The following SCN2A variants were observed in gnomAD, a reference collection of about 807,000 sequenced individuals.
The protein encoded by SCN2A is sodium voltage-gated channel alpha subunit 2.
SCN2A carries 20 observed loss-of-function variants against 188.7 expected under a neutral mutation model. The ratio of observed to expected loss-of-function variants is 0.11; its 90% CI spans 0.07 to 0.15. SCN2A has a LOEUF of 0.15. Among genes scored for constraint, SCN2A ranks in the 10% least tolerant of loss-of-function variants. SCN2A has a pLI of 1.00. For synonymous variants in SCN2A, 804 were observed against 833.1 expected, an observed-to-expected ratio of 0.97 and a Z score of 0.60; for missense variants, 1,278 against 2,445.0, an observed-to-expected ratio of 0.52 and a Z score of 10.07.
At chr2:165,328,986 CT>C (rs1269103949) in intron 13 of SCN2A, among the ~76,000 whole-genome samples, 23,742 of 89,666 alleles carry the variant, frequency 0.26, 1,225 homozygotes, top group East Asian at 0.35. Flanking sequence ...TAAGATAGTC[CT>C]TTTTTTTTTT....
At chr2:165,316,564 A>T (rs1238835132) in intron 11 of SCN2A, among the ~76,000 whole-genome samples, 1 of 152,204 alleles carries the variant, frequency 6.6e-6, no homozygotes, top group Non-Finnish European at 1.5e-5. Context: ...TAACAATAAC[A>T]ATTACAACAA....
chr2:165,333,542 T>A (rs1013829454), intron 14 of SCN2A, among the ~76,000 whole-genome samples: 1 of 151,926 alleles, frequency 6.6e-6, no homozygotes, highest in African/African-American at 2.4e-5. Flanking sequence ...AACTTGCTCT[T>A]AAATAACCAA....
intron 10 of SCN2A, among the ~76,000 whole-genome samples, chr2:165,315,029 C>A (rs1173608954): frequency 1.3e-5 from 2 of 152,114 alleles, no homozygotes; most frequent in Non-Finnish European, 2.9e-5. Context: ...AAATAAAATA[C>A]TTGACTGAAT....
At chr2:165,243,066 A>G (rs1035805245) in intron 1 of SCN2A, among the ~76,000 whole-genome samples, 4 of 152,218 alleles carry the variant, frequency 2.6e-5, no homozygotes, top group African/African-American at 9.6e-5. Context: ...ATTGGAGACT[A>G]ATAACACTGT....
At chr2:165,300,324 T>C (rs1347281595) in intron 3 of SCN2A, among the ~76,000 whole-genome samples, 2 of 152,210 alleles carry the variant, frequency 1.3e-5, no homozygotes, top group African/African-American at 2.4e-5. Context: ...GGATGCAACA[T>C]TGAACAAAGT....
intron 1 of SCN2A, among the ~76,000 whole-genome samples, chr2:165,279,568 A>T (rs970833412): frequency 6.6e-6 from 1 of 152,058 alleles, no homozygotes; most frequent in African/African-American, 2.4e-5. Context: ...TTATATTAGT[A>T]ATTATATATA....
chr2:165,350,964 C>T (rs1276432874), intron 16 of SCN2A, among the ~76,000 whole-genome samples: 1 of 152,162 alleles, frequency 6.6e-6, no homozygotes, highest in Non-Finnish European at 1.5e-5. Flanking sequence ...AACAGCTAAA[C>T]TTTCTCAAAG....
At chr2:165,370,686 T>A (rs1700978747) in intron 20 of SCN2A, 1 of 199,440 alleles carries the variant, frequency 5.0e-6, no homozygotes, top group Admixed American at 5.3e-5. Flanking sequence ...CTGTTGAGTT[T>A]AGGTCACACA....
At chr2:165,251,417 C>G (rs866016201) in intron 1 of SCN2A, among the ~76,000 whole-genome samples, 1 of 152,172 alleles carries the variant, frequency 6.6e-6, no homozygotes, top group Middle Eastern at 3.4e-3. Flanking sequence ...AGTACACGTT[C>G]AAATATAGCG....
At chr2:165,262,103 A>G (rs1694619297) in intron 1 of SCN2A, among the ~76,000 whole-genome samples, 1 of 152,190 alleles carries the variant, frequency 6.6e-6, no homozygotes, top group African/African-American at 2.4e-5. Context: ...CCCATCTCAA[A>G]TAATAGGTGG....
intron 21 of SCN2A, 107 bp downstream of exon 21, chr2:165,373,454 A>T: frequency 8.0e-7 from 1 of 1,243,346 alleles, no homozygotes; most frequent in Non-Finnish European, 1.2e-6. Flanking sequence ...TTACACATTC[A>T]TACTGACATA....
At chr2:165,360,652 G>A (rs1700414549) in intron 17 of SCN2A, among the ~76,000 whole-genome samples, 1 of 151,658 alleles carries the variant, frequency 6.6e-6, no homozygotes, top group South Asian at 2.1e-4. Flanking sequence ...TATTGTCCTG[G>A]CATCCTTATT....
intron 1 of SCN2A, chr2:165,243,716 A>C (rs773014773): frequency 6.6e-6 from 1 of 152,008 alleles, no homozygotes; most frequent in Non-Finnish European, 1.5e-5. Flanking sequence ...CAGTTACAGA[A>C]TCCTCTTGGG....
intron 21 of SCN2A, 105 bp downstream of exon 21, chr2:165,373,452 T>A (rs1037115736): frequency 5.5e-6 from 7 of 1,282,314 alleles, no homozygotes; most frequent in African/African-American, 2.9e-5. Flanking sequence ...TCTTACACAT[T>A]CATACTGACA....
chr2:165,363,946 A>C (rs1302487629), intron 17 of SCN2A, among the ~76,000 whole-genome samples: 1 of 152,158 alleles, frequency 6.6e-6, no homozygotes, highest in Non-Finnish European at 1.5e-5. Context: ...AGTCATCAGC[A>C]TCACTATGCT....
chr2:165,360,752 G>A (rs1392176681), intron 17 of SCN2A, among the ~76,000 whole-genome samples: 1 of 151,878 alleles, frequency 6.6e-6, no homozygotes, highest in Non-Finnish European at 1.5e-5. Context: ...ATTAAAAAGT[G>A]AACCTAAATA....
At chr2:165,371,514 A>G (rs1701023700) in intron 20 of SCN2A, 1 of 152,150 alleles carries the variant, frequency 6.6e-6, no homozygotes, top group Admixed American at 6.6e-5. Context: ...TTCAATAGGG[A>G]AGTGGAGTGT....
intron 1 of SCN2A, chr2:165,274,265 G>C (rs983151256): frequency 6.6e-6 from 1 of 151,088 alleles, no homozygotes; most frequent in Non-Finnish European, 1.5e-5. Flanking sequence ...AAAAAAAATG[G>C]TTTACTTACT....
chr2:165,313,563 A>G lies in SCN2A; in HGVS notation c.1035-57A>G, dbSNP rs13025009. ...CATTGGCATATATTAAAACAGGAAAACCAATTAGCAGACTTGCCGTTATTG... is the reference window on the plus strand; with the variant it reads ...CATTGGCATATATTAAAACAGGAAAGCCAATTAGCAGACTTGCCGTTATTG... On this transcript the variant is annotated intron_variant, in intron 8 of 26. Coordinates refer to ENST00000375437, the MANE Select transcript of SCN2A (RefSeq NM_001040142.2). 314,606 of 1,602,620 alleles carry G rather than the reference A, an allele frequency of 0.2. 32,994 individuals carry two copies. The highest frequency in any genetic ancestry group is 0.24 in the South Asian group (21,466 of 90,830).
Sources: gnomAD v4.1 joint callset for allele counts (sites outside exome capture counted in the v4.1 genomes callset) on GRCh38, gnomAD v4.1.1 for gene constraint, MANE v1.5 for transcripts, NCBI Gene and HGNC (gene_info 2026-07-23, HGNC 2026-07-21) for gene names.